Variants in COL4A6 observed in about 807,000 individuals in gnomAD.
COL4A6 encodes the protein collagen alpha-6(IV) chain.
A neutral mutation model predicts 126.7 loss-of-function variants in COL4A6; 59 were observed. The observed-to-expected ratio is 0.47, with a 90% CI of 0.38 to 0.58. The LOEUF is 0.58. Among genes scored for constraint, COL4A6 ranks in the 20% least tolerant of loss-of-function variants. The pLI is 0.00. For synonymous variants in COL4A6, 547 were observed against 496.6 expected (o/e 1.10, Z -1.35); for missense variants, 1,285 against 1,337.3 (o/e 0.96, Z 0.61).
intron 2 of COL4A6, among the ~76,000 whole-genome samples, chrX:108,410,444 G>T (rs1381283781): frequency 1.8e-5 from 2 of 110,864 alleles, no homozygotes; most frequent in Non-Finnish European, 3.8e-5. Flanking sequence ...ACATGGTAAA[G>T]GATGGCCTTT....
At chrX:108,159,852 A>AAGTGGTT in intron 43 of COL4A6, 104 bp from the exon 44 acceptor site, 1 of 880,810 alleles carries the variant, frequency 1.1e-6, no homozygotes, top group Non-Finnish European at 1.7e-6. Context: ...AGACTGAGGC[A>AAGTGGTT]GCCCTCTCCT....
chrX:108,288,374 CA>C (rs1268765385), intron 3 of COL4A6, among the ~76,000 whole-genome samples: 1 of 111,707 alleles, frequency 9.0e-6, no homozygotes, highest in Non-Finnish European at 1.9e-5. Context: ...AAAAAAAGTA[CA>C]TTTTTTTTGT....
chrX:108,423,960 T>G (rs747289476), intron 2 of COL4A6, among the ~76,000 whole-genome samples: 2 of 111,512 alleles, frequency 1.8e-5, no homozygotes, highest in Admixed American at 1.9e-4. Flanking sequence ...GAGGTTAAGG[T>G]CTCCATAGCC....
intron 3 of COL4A6, among the ~76,000 whole-genome samples, chrX:108,234,502 A>C (rs2036388723): frequency 8.9e-6 from 1 of 112,119 alleles, no homozygotes; most frequent in Admixed American, 9.5e-5. Context: ...TCATCGGTTC[A>C]GTAAATCGAT....
intron 2 of COL4A6, among the ~76,000 whole-genome samples, chrX:108,325,762 A>T (rs1367999158): frequency 1.8e-5 from 2 of 110,622 alleles, no homozygotes; most frequent in Non-Finnish European, 3.8e-5. Context: ...TCGGTTTAAC[A>T]TCTAAAAATT....
At chrX:108,209,689 A>G (rs1027503908) in intron 8 of COL4A6, among the ~76,000 whole-genome samples, 1 of 112,325 alleles carries the variant, frequency 8.9e-6, no homozygotes, top group Non-Finnish European at 1.9e-5. Context: ...TTGCTGAAGG[A>G]AAGGCAAAAT....
chrX:108,329,231 C>T (rs191696274), intron 2 of COL4A6, among the ~76,000 whole-genome samples: 9 of 111,301 alleles, frequency 8.1e-5, no homozygotes, highest in Admixed American at 7.6e-4. Flanking sequence ...GAATGTCTTA[C>T]CACAAAGAAA....
chrX:108,294,868 C>T (rs1393586819), intron 3 of COL4A6, among the ~76,000 whole-genome samples: 1 of 111,672 alleles, frequency 9.0e-6, no homozygotes, highest in African/African-American at 3.3e-5. Context: ...TACTAAAAAG[C>T]ACTGAATTCT....
intron 3 of COL4A6, among the ~76,000 whole-genome samples, chrX:108,261,659 C>A (rs1051514357): frequency 1.8e-5 from 2 of 111,537 alleles, no homozygotes; most frequent in Non-Finnish European, 3.8e-5. Context: ...ATGTTTTCAT[C>A]ATCTCCCACA....
chrX:108,277,070 C>T (rs138930638), intron 3 of COL4A6, among the ~76,000 whole-genome samples: 5 of 112,099 alleles, frequency 4.5e-5, no homozygotes, highest in East Asian at 2.8e-4. Flanking sequence ...CCAGCGTGAG[C>T]GATGCAGAAG....
intron 4 of COL4A6, chrX:108,220,982 C>T: frequency 2.7e-6 from 1 of 364,525 alleles, no homozygotes; most frequent in South Asian, 2.8e-5. Flanking sequence ...CCTGTAATCC[C>T]AGCTACTTGG....
At chrX:108,361,327 T>C (rs748608130) in intron 2 of COL4A6, among the ~76,000 whole-genome samples, 2 of 111,386 alleles carry the variant, frequency 1.8e-5, no homozygotes, top group Non-Finnish European at 3.8e-5. Context: ...AAAAGTTATC[T>C]GGAGAGAGAA....
intron 42 of COL4A6, 59 bp downstream of exon 42, chrX:108,161,560 C>T: frequency 2.6e-6 from 2 of 771,886 alleles, no homozygotes; most frequent in Non-Finnish European, 3.8e-6. Flanking sequence ...CCCCCAGCCT[C>T]AAACCCTCCC....
chrX:108,159,322 C>T (rs2033841408), intron 44 of COL4A6, 140 bp downstream of exon 44: 3 of 724,304 alleles, frequency 4.1e-6, no homozygotes, highest in South Asian at 2.8e-5. Context: ...ACTGGGTTCT[C>T]CATTCTTTAG....
At chrX:108,251,404 A>G (rs2036847877) in intron 3 of COL4A6, among the ~76,000 whole-genome samples, 1 of 111,142 alleles carries the variant, frequency 9.0e-6, no homozygotes, top group African/African-American at 3.3e-5. Flanking sequence ...TGTCTTGGCT[A>G]ACTCCTTCTC....
At chrX:108,345,767 T>C (rs975059091) in intron 2 of COL4A6, among the ~76,000 whole-genome samples, 1 of 111,634 alleles carries the variant, frequency 9.0e-6, no homozygotes, top group Admixed American at 9.5e-5. Flanking sequence ...ATGATGTTAA[T>C]TTTCATCATC....
chrX:108,427,487 G>C (rs770230097), intron 2 of COL4A6, among the ~76,000 whole-genome samples: 1 of 111,825 alleles, frequency 8.9e-6, no homozygotes, highest in Non-Finnish European at 1.9e-5. Flanking sequence ...CAAGACAGAG[G>C]ATGAAAAAAA....
chrX:108,157,891 T>C (rs1363051104), intron 44 of COL4A6, among the ~76,000 whole-genome samples: 1 of 111,967 alleles, frequency 8.9e-6, no homozygotes, highest in Admixed American at 9.5e-5. Context: ...CACTCCTGCC[T>C]GTTTCTCTTC....
At chrX:108,399,834 T>A (rs894870756) in intron 2 of COL4A6, among the ~76,000 whole-genome samples, 12 of 111,807 alleles carry the variant, frequency 1.1e-4, no homozygotes, top group Non-Finnish European at 1.1e-4. Flanking sequence ...TTTTCCTACT[T>A]GTTTAACATG....
Sources: gnomAD v4.1 joint callset for allele counts (sites outside exome capture counted in the v4.1 genomes callset) on GRCh38, gnomAD v4.1.1 for gene constraint, MANE v1.5 for transcripts, NCBI Gene and HGNC (gene_info 2026-07-23, HGNC 2026-07-21) for gene names.